BCL2L1: variants seen among roughly 807,000 people sequenced by gnomAD.
The protein encoded by BCL2L1 is bcl-2-like protein 1.
BCL2L1 carries 1 observed loss-of-function variant against 18.7 expected under a neutral mutation model. The observed-to-expected ratio is 0.05, with a 90% CI of 0.02 to 0.25. The LOEUF (loss-of-function observed/expected upper bound fraction) is 0.25, where lower values mean the gene tolerates loss of function less well. Among genes scored for constraint, BCL2L1 ranks in the 10% least tolerant of loss-of-function variants. The pLI is 1.00. For synonymous variants in BCL2L1, 103 were observed against 122.7 expected (o/e 0.84, Z 1.06); for missense variants, 207 against 304.9 (o/e 0.68, Z 2.39).
At chr20:31,678,335 C>G (rs969310171) in intron 2 of BCL2L1, among the ~76,000 whole-genome samples, 1 of 152,146 alleles carries the variant, frequency 6.6e-6, no homozygotes, top group Admixed American at 6.6e-5. Context: ...TTTTGTTTCC[C>G]AGTTCCATCG....
intron 2 of BCL2L1, among the ~76,000 whole-genome samples, chr20:31,677,053 C>G (rs2060774844): frequency 2.6e-5 from 4 of 152,180 alleles, no homozygotes; most frequent in African/African-American, 9.7e-5. Flanking sequence ...CAATTAATTT[C>G]TACTTCTCTA....
Position 31,722,090 on chromosome 20 carries a change from C to T in BCL2L1, c.129G>A (p.Ser43=), listed in dbSNP as rs11550476. The change falls in exon 2 of 3, where the codon TCG becomes TCA. Residue 43 remains serine (S), a synonymous_variant. Transcript: ENST00000307677. ...NRTEAPEGTE[S]EMETPSAING... is the part of the protein sequence containing the mutation. ...TGATGGCACTGGGGGTCTCCATCTC[C>T]GATTCAGTCCCTTCTGGGGCCTCAG... 1.0e-5 allele frequency: 16 copies of T among 1,588,680 alleles called. 1 individual carries two copies. In the South Asian group the frequency reaches 1.5e-4, roughly 15 times the overall value.
intron 2 of BCL2L1, among the ~76,000 whole-genome samples, chr20:31,702,964 T>G (rs1180997351): frequency 6.8e-6 from 1 of 148,116 alleles, no homozygotes; most frequent in Non-Finnish European, 1.5e-5. Flanking sequence ...AAAAAAAAAG[T>G]CTGGGTTTTA....
intron 2 of BCL2L1, among the ~76,000 whole-genome samples, chr20:31,674,694 A>AC (rs568061421): frequency 1.6e-4 from 24 of 151,872 alleles, no homozygotes; most frequent in African/African-American, 4.3e-4. Flanking sequence ...ATATGGTGGG[A>AC]CCCCCATCTC....
intron 2 of BCL2L1, among the ~76,000 whole-genome samples, chr20:31,711,852 T>A (rs555544422): frequency 6.6e-6 from 1 of 152,198 alleles, no homozygotes; most frequent in Non-Finnish European, 1.5e-5. Flanking sequence ...AGTATTATCA[T>A]GCACATAAAA....
At chr20:31,674,771 A>G (rs1019356868) in intron 2 of BCL2L1, among the ~76,000 whole-genome samples, 1 of 151,260 alleles carries the variant, frequency 6.6e-6, no homozygotes, top group Non-Finnish European at 1.5e-5. Flanking sequence ...GCTACTCAGG[A>G]GACTGAAGTG....
upstream of BCL2L1, chr20:31,723,442 C>A: frequency 1.0e-6 from 1 of 985,380 alleles, no homozygotes; most frequent in Admixed American, 6.1e-5. Context: ...CTGGCGCCCC[C>A]GGGAGGGCTC....
At chr20:31,678,664 G>A (rs1341443943) in intron 2 of BCL2L1, among the ~76,000 whole-genome samples, 1 of 152,186 alleles carries the variant, frequency 6.6e-6, no homozygotes, top group Non-Finnish European at 1.5e-5. Flanking sequence ...GATTCCAGGG[G>A]AAGAGAGCAA....
intron 2 of BCL2L1, among the ~76,000 whole-genome samples, chr20:31,667,921 G>C (rs570780327): frequency 6.6e-6 from 1 of 152,276 alleles, no homozygotes; most frequent in South Asian, 2.1e-4. Context: ...AGCCCTTGCA[G>C]AAGCACACTC....
intron 2 of BCL2L1, among the ~76,000 whole-genome samples, chr20:31,685,250 A>C (rs1353658100): frequency 6.6e-6 from 1 of 151,688 alleles, no homozygotes; most frequent in Non-Finnish European, 1.5e-5. Context: ...AATACAAAAA[A>C]TTAGCCAGGC....
At chr20:31,704,105 T>A (rs111412523) in intron 2 of BCL2L1, among the ~76,000 whole-genome samples, 1 of 77,322 alleles carries the variant, frequency 1.3e-5, no homozygotes, top group African/African-American at 2.8e-4. Context: ...GCCCTAAACC[T>A]TTTTTTTTTT....
At chr20:31,679,613 T>C (rs1035926663) in intron 2 of BCL2L1, among the ~76,000 whole-genome samples, 3 of 152,192 alleles carry the variant, frequency 2.0e-5, no homozygotes, top group Non-Finnish European at 4.4e-5. Context: ...CAATGGTCCA[T>C]GGTAAGCGTT....
intron 2 of BCL2L1, chr20:31,720,046 C>T: frequency 3.1e-6 from 3 of 954,168 alleles, no homozygotes; most frequent in Non-Finnish European, 3.7e-6. Flanking sequence ...ATCATTTATC[C>T]CCCTAGAGAG....
upstream of BCL2L1, chr20:31,723,593 A>C (rs45443696): frequency 0.3 from 298,589 of 985,028 alleles, 49,774 homozygotes; most frequent in African/African-American, 0.63. Context: ...CGCCCCCTAG[A>C]CCTTCCTGAG....
intron 2 of BCL2L1, among the ~76,000 whole-genome samples, chr20:31,666,665 C>T (rs543104421): frequency 2.8e-4 from 43 of 152,100 alleles, no homozygotes; most frequent in African/African-American, 1.0e-3. Context: ...GCCAGAGGCT[C>T]CTCCCTCTGG....
intron 2 of BCL2L1, among the ~76,000 whole-genome samples, chr20:31,694,408 A>T (rs1245980112): frequency 6.6e-6 from 1 of 152,028 alleles, no homozygotes; most frequent in Non-Finnish European, 1.5e-5. Flanking sequence ...GCTGAGAATG[A>T]GATTAGGTTT....
chr20:31,694,450 C>T (rs1044350270), intron 2 of BCL2L1, among the ~76,000 whole-genome samples: 8 of 151,980 alleles, frequency 5.3e-5, no homozygotes, highest in East Asian at 3.9e-4. Flanking sequence ...TAATGCTCCC[C>T]GAAAGCTGTC....
chr20:31,682,453 TTTTTC>T (rs1385118901), intron 2 of BCL2L1, among the ~76,000 whole-genome samples: 1 of 152,166 alleles, frequency 6.6e-6, no homozygotes, highest in African/African-American at 2.4e-5. Context: ...TTACTTAACA[TTTTTC>T]TTTTCAAGAC....
chr20:31,703,101 A>G (rs914685715), intron 2 of BCL2L1, among the ~76,000 whole-genome samples: 2 of 149,284 alleles, frequency 1.3e-5, no homozygotes, highest in Admixed American at 1.3e-4. Context: ...CTGGAGTGCA[A>G]TGGTGCAATC....
Sources: gnomAD v4.1 joint callset for allele counts (sites outside exome capture counted in the v4.1 genomes callset) on GRCh38, gnomAD v4.1.1 for gene constraint, MANE v1.5 for transcripts, NCBI Gene and HGNC (gene_info 2026-07-23, HGNC 2026-07-21) for gene names.